NCKAP1: variants seen among roughly 807,000 people sequenced by gnomAD.
NCKAP1 encodes nck-associated protein 1.
In NCKAP1, 21 loss-of-function variants were observed where a neutral mutation model predicts 151.2. That is an observed-to-expected ratio of 0.14 (90% CI 0.10 to 0.20). NCKAP1 has a LOEUF of 0.20. Among genes scored for constraint, NCKAP1 ranks in the 10% least tolerant of loss-of-function variants. The pLI is 1.00. For synonymous variants in NCKAP1, 484 were observed against 451.8 expected (o/e 1.07, Z -0.90); for missense variants, 933 against 1,352.1 (o/e 0.69, Z 4.86).
chr2:182,983,956 A>C (rs113428475), intron 10 of NCKAP1, among the ~76,000 whole-genome samples: 2 of 151,738 alleles, frequency 1.3e-5, no homozygotes, highest in Non-Finnish European at 2.9e-5. Flanking sequence ...ACTTGAGCCC[A>C]GGAGGCAGAG....
intron 10 of NCKAP1, among the ~76,000 whole-genome samples, chr2:182,984,847 T>C (rs1448734835): frequency 2.0e-5 from 3 of 152,218 alleles, no homozygotes; most frequent in East Asian, 1.9e-4. Flanking sequence ...GCCTGGCACA[T>C]GGTAATGAGT....
At chr2:182,942,193 G>C in intron 23 of NCKAP1, 30 bp from the exon 24 acceptor site, 6 of 1,521,364 alleles carry the variant, frequency 3.9e-6, no homozygotes, top group Non-Finnish European at 5.4e-6. Context: ...CCTAGGTCAG[G>C]CACAGACCTC....
chr2:182,933,699 G>A (rs1357552852), intron 26 of NCKAP1, among the ~76,000 whole-genome samples: 1 of 151,940 alleles, frequency 6.6e-6, no homozygotes, highest in Non-Finnish European at 1.5e-5. Flanking sequence ...AGAGTCTTGA[G>A]CCACCATGCC....
chr2:182,974,363 C>A (rs1234444953), intron 15 of NCKAP1, among the ~76,000 whole-genome samples: 1 of 151,688 alleles, frequency 6.6e-6, no homozygotes, highest in African/African-American at 2.4e-5. Context: ...TGAATTGTAT[C>A]CCCGAAGAAA....
intron 24 of NCKAP1, among the ~76,000 whole-genome samples, chr2:182,941,322 T>C (rs1436131918): frequency 6.6e-6 from 1 of 152,216 alleles, no homozygotes; most frequent in Non-Finnish European, 1.5e-5. Flanking sequence ...TTTCACAATA[T>C]ACCTCCCACA....
At chr2:182,968,075 T>C (rs370268165) in intron 15 of NCKAP1, among the ~76,000 whole-genome samples, 1 of 152,206 alleles carries the variant, frequency 6.6e-6, no homozygotes, top group South Asian at 2.1e-4. Flanking sequence ...AGAAGGGAAA[T>C]AGTAAAACAT....
intron 23 of NCKAP1, among the ~76,000 whole-genome samples, chr2:182,946,473 C>T (rs1030346547): frequency 1.3e-5 from 2 of 151,842 alleles, no homozygotes; most frequent in African/African-American, 2.4e-5. Context: ...AGGGTCAAAA[C>T]ACTACCTATT....
chr2:183,037,044 TTTG>T (rs1699115526), intron 1 of NCKAP1, among the ~76,000 whole-genome samples: 1 of 152,202 alleles, frequency 6.6e-6, no homozygotes, highest in African/African-American at 2.4e-5. Context: ...GGGGAGAGAT[TTTG>T]TTGTTTTGTC....
intron 13 of NCKAP1, among the ~76,000 whole-genome samples, chr2:182,980,288 CA>C (rs1404979997): frequency 6.6e-6 from 1 of 151,696 alleles, no homozygotes; most frequent in African/African-American, 2.4e-5. Flanking sequence ...TAGCTTGTAA[CA>C]GCATGTAACT....
chr2:182,910,954 C>T lies in NCKAP1; in HGVS notation c.*14748G>A, dbSNP rs1231289278. 1 of 147,146 alleles carries T rather than the reference C, an allele frequency of 6.8e-6. No individual in the cohort carries two copies. Among genetic ancestry groups the T allele is most frequent in the African/African-American group, 2.5e-5 (1 of 40,498 alleles). 9.1% of individuals were successfully genotyped at this position (147,146 alleles called of 1,614,324 possible). On this transcript the variant is annotated 3_prime_UTR_variant, in exon 31 of 31. Transcript: ENST00000361354. ...AATAAAAATAAAATCCTAAGCTCCCCCCCCACATTTGACTAAACAGACCCT... is the reference window on the plus strand; with the variant it reads ...AATAAAAATAAAATCCTAAGCTCCCTCCCCACATTTGACTAAACAGACCCT...
intron 2 of NCKAP1, among the ~76,000 whole-genome samples, chr2:183,005,971 T>A (rs538637422): frequency 3.2e-4 from 49 of 152,322 alleles, no homozygotes; most frequent in African/African-American, 1.1e-3. Context: ...CCTCTAAACA[T>A]GTATAATGTC....
chr2:183,035,334 G>A (rs982248394), intron 1 of NCKAP1, among the ~76,000 whole-genome samples: 3 of 150,308 alleles, frequency 2.0e-5, no homozygotes, highest in Non-Finnish European at 4.4e-5. Context: ...CCTAATAAGC[G>A]CCAAAGCATA....
chr2:182,947,764 CA>C (rs1400500380), intron 23 of NCKAP1, among the ~76,000 whole-genome samples: 1 of 152,124 alleles, frequency 6.6e-6, no homozygotes, highest in East Asian at 1.9e-4. Flanking sequence ...AAATTAGAAT[CA>C]TCACTGACAG....
At chr2:182,991,366 TG>T (rs2105864412) in intron 8 of NCKAP1, among the ~76,000 whole-genome samples, 1 of 152,254 alleles carries the variant, frequency 6.6e-6, no homozygotes, top group Admixed American at 6.5e-5. Flanking sequence ...GAGACCAGTT[TG>T]GCCAACATGG....
At chr2:182,942,856 A>G (rs1274965761) in intron 23 of NCKAP1, among the ~76,000 whole-genome samples, 1 of 152,140 alleles carries the variant, frequency 6.6e-6, no homozygotes, top group Non-Finnish European at 1.5e-5. Context: ...TATAACACAA[A>G]TGTAATTAAT....
chr2:182,925,750 T>C lies in NCKAP1; in HGVS notation c.3339A>G (p.Arg1113=). The C allele has an allele frequency of 6.3e-7, 1 of 1,592,432 alleles. No homozygotes were observed. Among genetic ancestry groups the C allele is most frequent in the Non-Finnish European group, 8.5e-7 (1 of 1,170,384 alleles). ...LESCFPYVLL[R]NAYHAVYKQS... is the part of the protein sequence containing the mutation. ...GTTTGTAGACAGCATGGTATGCATT[T>C]CTCAGCAAGACATAAGGAAAACAAG... is the stretch of plus-strand genomic sequence containing the variant. The change falls in exon 31 of 31, where the codon AGA becomes AGG. Residue 1113 remains arginine, a synonymous_variant. Transcript: ENST00000361354.
intron 2 of NCKAP1, among the ~76,000 whole-genome samples, chr2:183,004,220 CA>C (rs143688604): frequency 0.059 from 9,014 of 152,066 alleles, 315 homozygotes; most frequent in African/African-American, 0.097. Flanking sequence ...GTTGTAAACA[CA>C]CATTAAATGT....
chr2:182,944,081 T>A (rs1345233368), intron 23 of NCKAP1, among the ~76,000 whole-genome samples: 1 of 152,194 alleles, frequency 6.6e-6, no homozygotes, highest in Non-Finnish European at 1.5e-5. Context: ...AGCTCCAAAG[T>A]AATGCTTCTT....
chr2:182,965,122 G>A (rs1697538839), intron 16 of NCKAP1, among the ~76,000 whole-genome samples: 1 of 151,812 alleles, frequency 6.6e-6, no homozygotes, highest in African/African-American at 2.4e-5. Context: ...TGGGTGTGGT[G>A]GCTCACACCT....
Sources: gnomAD v4.1 joint callset for allele counts (sites outside exome capture counted in the v4.1 genomes callset) on GRCh38, gnomAD v4.1.1 for gene constraint, MANE v1.5 for transcripts, NCBI Gene and HGNC (gene_info 2026-07-23, HGNC 2026-07-21) for gene names.